The following ASCC3 variants were observed in gnomAD, a reference collection of about 807,000 sequenced individuals.
The protein encoded by ASCC3 is ASC-1 complex subunit P200.
Under a neutral mutation model 256.3 loss-of-function variants are expected in ASCC3, and 158 were observed. That is an observed-to-expected ratio of 0.62 (90% CI 0.54 to 0.70). ASCC3 has a LOEUF of 0.70. Among genes scored for constraint, ASCC3 ranks in the 30% least tolerant of loss-of-function variants. The pLI, the probability that ASCC3 is intolerant of heterozygous loss-of-function variation, is 0.00. For synonymous variants in ASCC3, 948 were observed against 883.4 expected (o/e 1.07, Z -1.30); for missense variants, 2,259 against 2,626.0 (o/e 0.86, Z 3.05).
At chr6:100,584,610 G>T (rs1323458925) in intron 36 of ASCC3, among the ~76,000 whole-genome samples, 1 of 151,614 alleles carries the variant, frequency 6.6e-6, no homozygotes, top group African/African-American at 2.4e-5. Flanking sequence ...TTATGTGTCA[G>T]TTTGATCCTG....
intron 10 of ASCC3, among the ~76,000 whole-genome samples, chr6:100,738,431 A>T (rs562079022): frequency 1.3e-5 from 2 of 152,328 alleles, no homozygotes; most frequent in South Asian, 4.1e-4. Flanking sequence ...AATTTTCTGC[A>T]TATGGCTAGC....
chr6:100,725,732 G>T, intron 10 of ASCC3, 29 bp from the exon 11 acceptor site: 2 of 1,610,342 alleles, frequency 1.2e-6, no homozygotes, highest in South Asian at 1.1e-5. Context: ...TTTAAAAGGG[G>T]AAAGTTACAT....
chr6:100,734,994 G>T (rs1233178954), intron 10 of ASCC3, among the ~76,000 whole-genome samples: 2 of 152,080 alleles, frequency 1.3e-5, no homozygotes, highest in Non-Finnish European at 1.5e-5. Flanking sequence ...ATAGAGCAGG[G>T]TATAAAAAGT....
rs1348219521 is a variant in ASCC3 at position 100,606,831 on chromosome 6, C to T, written c.4953G>A (p.Trp1651Ter). The part of the protein sequence containing the change: ...QVLIATSTLA[W>*]GVNFPAHLVI... The stretch of plus-strand genomic sequence containing the variant: ...CTAAATGAGCTGGAAAGTTTACACC[C>T]CAGGCTAATGTGCTTGTAGCAATAA... The change falls in exon 32 of 42, where the codon TGG (tryptophan) becomes TGA (stop). Residue 1651 changes from tryptophan to a stop codon, truncating the protein, a stop_gained. Transcript: ENST00000369162. LOFTEE classifies it high-confidence loss of function. 1.2e-6 allele frequency: 2 copies of T among 1,612,192 alleles called. No individual in the cohort carries two copies. Among genetic ancestry groups the T allele is most frequent in the Non-Finnish European group, 8.5e-7 (1 of 1,179,128 alleles).
In ASCC3 at chr6:100,767,298, C is replaced by G. The variant is rs750197641; in HGVS notation, c.1443G>C (p.Gln481His). The G allele has an allele frequency of 6.2e-7, 1 of 1,613,886 alleles. No individual in the cohort carries two copies. The highest frequency in any genetic ancestry group is 8.5e-7 in the Non-Finnish European group (1 of 1,179,986). ...FKGMKRLNRI[Q>H]SIVFETAYNT... is the part of the protein sequence containing the mutation. Reference sequence around the variant, plus strand: ...TGTAGGCAGTCTCAAACACTATTGACTGGATTCTATTGAGTCTCTTCATTC... The same window carrying G: ...TGTAGGCAGTCTCAAACACTATTGAGTGGATTCTATTGAGTCTCTTCATTC... Residue 481 changes from glutamine to histidine, a missense_variant, in exon 9 of 42, where the codon CAG becomes CAC. This residue lies in a region of ASCC3 where 1,839 missense variants were observed against 2,206.7 expected (regional missense o/e 0.83). Coordinates refer to ENST00000369162, the MANE Select transcript of ASCC3 (RefSeq NM_006828.4).
chr6:100,677,485 T>C (rs1777083960), intron 14 of ASCC3, among the ~76,000 whole-genome samples: 1 of 152,154 alleles, frequency 6.6e-6, no homozygotes, highest in South Asian at 2.1e-4. Context: ...CTACTTAATA[T>C]GAGATTCTCT....
intron 37 of ASCC3, among the ~76,000 whole-genome samples, chr6:100,536,785 C>T (rs966811373): frequency 6.6e-6 from 1 of 152,072 alleles, no homozygotes; most frequent in African/African-American, 2.4e-5. Flanking sequence ...GTTTCTACAA[C>T]CATTCTCTAA....
intron 3 of ASCC3, chr6:100,857,791 T>C (rs1773023077): frequency 6.6e-6 from 1 of 151,966 alleles, no homozygotes; most frequent in African/African-American, 2.4e-5. Flanking sequence ...CTTTTTATTT[T>C]TCAAAGTTAA....
At chr6:100,627,057 T>C (rs1774273801) in intron 29 of ASCC3, among the ~76,000 whole-genome samples, 1 of 151,676 alleles carries the variant, frequency 6.6e-6, no homozygotes, top group South Asian at 2.1e-4. Context: ...CATTTGAGAA[T>C]TTATTTTTGA....
intron 24 of ASCC3, among the ~76,000 whole-genome samples, chr6:100,639,323 T>G (rs1043188263): frequency 6.6e-6 from 1 of 152,166 alleles, no homozygotes; most frequent in Non-Finnish European, 1.5e-5. Flanking sequence ...GTGGGAGTTT[T>G]AAAGCAAAGC....
Position 100,529,909 on chromosome 6 carries a change from C to G in ASCC3, c.5775+10254G>C, listed in dbSNP as rs527535673. ...AAAGCAAGTACAACAGGGCCTGATA[C>G]GAAGAAAGCCCTCAATAAATGTTCA... On this transcript the variant is annotated intron_variant, in intron 37 of 41. Coordinates refer to ENST00000369162, the MANE Select transcript of ASCC3 (RefSeq NM_006828.4). Among the ~76,000 whole-genome samples, 9 of 151,682 alleles carry G rather than the reference C, an allele frequency of 5.9e-5. No individual in the cohort carries two copies. In the East Asian group the frequency reaches 1.6e-3, roughly 26 times the overall value.
intron 4 of ASCC3, among the ~76,000 whole-genome samples, chr6:100,830,481 TTATGAA>T (rs1425171057): frequency 5.9e-5 from 9 of 152,190 alleles, no homozygotes; most frequent in African/African-American, 2.2e-4. Flanking sequence ...CTCTCTTTCC[TTATGAA>T]TATGGACAAT....
At chr6:100,690,202 A>G (rs1394513909) in intron 13 of ASCC3, among the ~76,000 whole-genome samples, 1 of 152,156 alleles carries the variant, frequency 6.6e-6, no homozygotes, top group Non-Finnish European at 1.5e-5. Context: ...GATAATACCT[A>G]ATACAATGTA....
intron 37 of ASCC3, among the ~76,000 whole-genome samples, chr6:100,538,333 C>T (rs1356526733): frequency 6.6e-6 from 1 of 152,002 alleles, no homozygotes; most frequent in East Asian, 1.9e-4. Flanking sequence ...AGCAAATCAC[C>T]TTCCTCAATA....
In ASCC3 at chr6:100,652,749, G is replaced by A. The variant is rs369725838; in HGVS notation, c.2964C>T (p.Tyr988=). ...CCTCAATGGTGTTGTATTTAATATA[G>A]TAATGGCTGGCAGTTCTACCCAAAT... The part of the protein sequence containing the change: ...STDLGRTASH[Y]YIKYNTIETF... The change falls in exon 18 of 42, where the codon TAC becomes TAT. Residue 988 remains tyrosine, a synonymous_variant. Coordinates refer to ENST00000369162, the MANE Select transcript of ASCC3 (RefSeq NM_006828.4). 5.0e-5 allele frequency: 80 copies of A among 1,613,624 alleles called. No homozygotes were observed. The highest frequency in any genetic ancestry group is 6.6e-5 in the Non-Finnish European group (78 of 1,179,858).
At chr6:100,864,386 G>A (rs1027010458) in intron 2 of ASCC3, among the ~76,000 whole-genome samples, 172 bp from the exon 3 acceptor site, 3 of 152,040 alleles carry the variant, frequency 2.0e-5, no homozygotes, top group Non-Finnish European at 1.5e-5. Context: ...TACTTAAATG[G>A]GTGTTCATAG....
At chr6:100,859,346 T>A (rs1164717126) in intron 3 of ASCC3, 3 of 705,954 alleles carry the variant, frequency 4.2e-6, no homozygotes, top group Non-Finnish European at 7.9e-6. Context: ...TTTCTAGGTA[T>A]TCTCTGTAGA....
intron 10 of ASCC3, 147 bp downstream of exon 10, chr6:100,766,418 A>C: frequency 1.2e-6 from 1 of 853,242 alleles, no homozygotes; most frequent in Non-Finnish European, 1.8e-6. Context: ...TTTGTAGTAC[A>C]GAGACAAGAT....
At chr6:100,735,779 AAC>A (rs1292880293) in intron 10 of ASCC3, among the ~76,000 whole-genome samples, 3 of 152,180 alleles carry the variant, frequency 2.0e-5, no homozygotes, top group Non-Finnish European at 1.5e-5. Context: ...ACTTTATATA[AAC>A]ACACACACAA....
Sources: allele counts gnomAD v4.1 joint callset (sites outside exome capture counted in the v4.1 genomes callset), GRCh38; gene constraint gnomAD v4.1.1; regional missense constraint gnomAD v4.1.1; transcripts MANE v1.5; gene names NCBI Gene and HGNC (gene_info 2026-07-23, HGNC 2026-07-21).